The following DMD variants were observed in gnomAD, a reference collection of about 807,000 sequenced individuals.
The protein encoded by DMD is mutant dystrophin.
Under a neutral mutation model 330.1 loss-of-function variants are expected in DMD, and 63 were observed. That is an observed-to-expected ratio of 0.19 (90% CI 0.16 to 0.24). The LOEUF (loss-of-function observed/expected upper bound fraction) is 0.24. Ranked by LOEUF, DMD falls within the 10% of genes least tolerant of loss-of-function variation. DMD has a pLI of 1.00. For missense variants in DMD, 3,344 were observed against 2,684.1 expected, an observed-to-expected ratio of 1.25 and a Z score of -5.43; for synonymous variants, 1,223 against 959.8, an observed-to-expected ratio of 1.27 and a Z score of -5.07.
At position 32,327,415 on chromosome X, in the gene DMD, T is replaced by C. The variant is rs759131124; in HGVS notation, c.5922+14685A>G. The stretch of plus-strand genomic sequence containing the variant: ...CTGTGTTGCAGGTAAATTAAAATGA[T>C]ATCCATCTGACCTCTGAATAAATAA... On this transcript the variant is annotated intron_variant, in intron 41 of 78. Coordinates refer to ENST00000357033, the MANE Select transcript of DMD (RefSeq NM_004006.3). 1.3e-3 allele frequency among the ~76,000 whole-genome samples: 140 copies of C among 111,005 alleles called. 1 individual carries two copies. The highest frequency in any genetic ancestry group is 6.5e-3 in the South Asian group (17 of 2,634).
intron 73 of DMD, among the ~76,000 whole-genome samples, chrX:31,169,901 T>G (rs1377873065): frequency 8.9e-6 from 1 of 111,942 alleles, no homozygotes; most frequent in East Asian, 2.8e-4. Context: ...TGTTAGTCAA[T>G]AGCTAAAAAA....
chrX:31,350,765 T>C (rs1341654553), intron 60 of DMD, among the ~76,000 whole-genome samples: 1 of 110,658 alleles, frequency 9.0e-6, no homozygotes, highest in Non-Finnish European at 1.9e-5. Context: ...GACTGGACTA[T>C]GGGGTGCCCA....
At chrX:32,459,908 T>C (rs149043427) in intron 25 of DMD, among the ~76,000 whole-genome samples, 3,586 of 111,142 alleles carry the variant, frequency 0.032, 65 homozygotes, top group Middle Eastern at 0.061. Flanking sequence ...TTTGCAAATA[T>C]TTTTTCCCAT....
At chrX:33,216,813 A>T (rs746119188) in intron 1 of DMD, among the ~76,000 whole-genome samples, 1 of 111,577 alleles carries the variant, frequency 9.0e-6, no homozygotes, top group South Asian at 3.8e-4. Context: ...TTAACCAGTC[A>T]TCCTTGTGTT....
chrX:32,626,781 G>A (rs1308539063), intron 11 of DMD, among the ~76,000 whole-genome samples: 2 of 103,246 alleles, frequency 1.9e-5, no homozygotes, highest in African/African-American at 8.3e-5. Flanking sequence ...TGCGAGTTGT[G>A]CACATGCATC....
At chrX:31,925,217 C>A (rs747464607) in intron 47 of DMD, among the ~76,000 whole-genome samples, 1 of 111,400 alleles carries the variant, frequency 9.0e-6, no homozygotes, top group Non-Finnish European at 1.9e-5. Flanking sequence ...AGGATATTAT[C>A]CACATAAAAA....
chrX:31,443,543 G>A (rs1434646105), intron 60 of DMD, among the ~76,000 whole-genome samples: 4 of 105,889 alleles, frequency 3.8e-5, no homozygotes, highest in South Asian at 4.0e-4. Context: ...TTTTATTATC[G>A]CATTTTTTTT....
intron 60 of DMD, among the ~76,000 whole-genome samples, chrX:31,425,038 C>T (rs1431194565): frequency 8.9e-6 from 1 of 112,212 alleles, no homozygotes; most frequent in Admixed American, 9.4e-5. Flanking sequence ...ATGTTGGATA[C>T]CTATAAATGT....
At chrX:33,095,259 A>G in intron 1 of DMD, among the ~76,000 whole-genome samples, 1 of 112,797 alleles carries the variant, frequency 8.9e-6, no homozygotes, top group Admixed American at 9.4e-5. Context: ...ACTGCTTTTT[A>G]AAATTCCATT....
At chrX:32,274,945 C>T (rs1043860299) in intron 43 of DMD, among the ~76,000 whole-genome samples, 1 of 111,848 alleles carries the variant, frequency 8.9e-6, no homozygotes, top group Admixed American at 9.5e-5. Context: ...AGTAAAACTT[C>T]CATGTAATTG....
At chrX:33,329,168 C>T (rs1390036213) in intron 1 of DMD, among the ~76,000 whole-genome samples, 1 of 111,043 alleles carries the variant, frequency 9.0e-6, no homozygotes, top group Admixed American at 9.6e-5. Context: ...GAGCAATAAA[C>T]ACAAAAAATG....
chrX:32,727,781 C>T (rs771607092), intron 7 of DMD, among the ~76,000 whole-genome samples: 1 of 107,928 alleles, frequency 9.3e-6, no homozygotes, highest in Non-Finnish European at 1.9e-5. Context: ...ACATATTAGC[C>T]TTTAAAATAT....
At chrX:32,645,291 C>T (rs889320935) in intron 9 of DMD, 139 bp from the exon 10 acceptor site, 6 of 638,942 alleles carry the variant, frequency 9.4e-6, no homozygotes, top group Non-Finnish European at 1.4e-5. Context: ...ACAGCAGATA[C>T]AGACAATAGG....
chrX:32,480,597 C>G (rs774784085), intron 21 of DMD, among the ~76,000 whole-genome samples: 3 of 111,156 alleles, frequency 2.7e-5, no homozygotes, highest in African/African-American at 9.8e-5. Context: ...CAGTATGTGT[C>G]TGTGTGTGTA....
intron 3 of DMD, among the ~76,000 whole-genome samples, chrX:32,845,770 G>T (rs1027907623): frequency 3.6e-5 from 4 of 112,214 alleles, no homozygotes; most frequent in African/African-American, 1.3e-4. Context: ...TTTTTGTGCT[G>T]TCTGGCCTAC....
At chrX:32,792,942 C>G (rs1384790061) in intron 7 of DMD, among the ~76,000 whole-genome samples, 1 of 112,077 alleles carries the variant, frequency 8.9e-6, no homozygotes, top group Non-Finnish European at 1.9e-5. Flanking sequence ...TGAAACTGCT[C>G]CTTAGACCAA....
Position 32,626,696 on chromosome X carries a change from G to A in DMD, c.1332-12243C>T, listed in dbSNP as rs1423870027. Among the ~76,000 whole-genome samples the A allele has an allele frequency of 2.9e-5, 3 of 104,059 alleles. No homozygotes were observed. The East Asian group carries it at 8.5e-4, about 30-fold the overall frequency. The allele number at this position is 104,059 out of a possible 115,157, so 90.4% of individuals were successfully genotyped here. A position where few individuals can be genotyped will look rare whatever the true frequency, so the allele number is the denominator to read the frequency against. Reference sequence around the variant, plus strand: ...GGGGGCTGGGGAAGGAATAGCATTAGGAGAAATACCTAATGTAAATGAGCT... The same window carrying A: ...GGGGGCTGGGGAAGGAATAGCATTAAGAGAAATACCTAATGTAAATGAGCT... On this transcript the variant is annotated intron_variant, in intron 11 of 78. Transcript: ENST00000357033.
intron 43 of DMD, among the ~76,000 whole-genome samples, chrX:32,242,128 C>T (rs73619042): frequency 0.021 from 2,300 of 112,155 alleles, 51 homozygotes; most frequent in African/African-American, 0.071. Context: ...GTAACTGCAA[C>T]AAGAACTGTC....
intron 42 of DMD, among the ~76,000 whole-genome samples, chrX:32,306,767 A>G (rs1048735552): frequency 1.8e-5 from 2 of 109,785 alleles, no homozygotes; most frequent in Non-Finnish European, 3.8e-5. Flanking sequence ...CTCCAGTGCA[A>G]TGTGGAATAT....
Sources: allele counts gnomAD v4.1 joint callset (sites outside exome capture counted in the v4.1 genomes callset), GRCh38; gene constraint gnomAD v4.1.1; transcripts MANE v1.5; gene names NCBI Gene and HGNC (gene_info 2026-07-23, HGNC 2026-07-21).